LRMDA: variants seen among roughly 807,000 people sequenced by gnomAD.
LRMDA encodes the protein leucine rich melanocyte differentiation associated.
A neutral mutation model predicts 29.8 loss-of-function variants in LRMDA; 18 were observed. The ratio of observed to expected loss-of-function variants is 0.60; its 90% CI spans 0.42 to 0.90. The LOEUF (loss-of-function observed/expected upper bound fraction) is 0.90, where lower values mean the gene tolerates loss of function less well. Ranked by LOEUF, LRMDA falls within the 40% of genes least tolerant of loss-of-function variation. LRMDA has a pLI of 0.00. For missense variants in LRMDA, 273 were observed against 273.9 expected (o/e 1.00, Z 0.02); for synonymous variants, 125 against 109.4 (o/e 1.14, Z -0.89).
At chr10:75,529,210 A>C (rs1198992851) in intron 2 of LRMDA, among the ~76,000 whole-genome samples, 2 of 152,220 alleles carry the variant, frequency 1.3e-5, no homozygotes, top group Non-Finnish European at 2.9e-5. Flanking sequence ...ATTTAAGAAT[A>C]CTAGGAGCTG....
chr10:75,696,137 A>G (rs1589161640), intron 2 of LRMDA, among the ~76,000 whole-genome samples: 2 of 152,224 alleles, frequency 1.3e-5, no homozygotes, highest in Admixed American at 1.3e-4. Context: ...TTAATTTCAG[A>G]CTGCCCATTA....
chr10:76,434,095 C>T (rs910311694), intron 6 of LRMDA, among the ~76,000 whole-genome samples: 14 of 151,998 alleles, frequency 9.2e-5, no homozygotes, highest in Non-Finnish European at 1.8e-4. Flanking sequence ...AAATATAATT[C>T]GTTTTCTCTC....
intron 5 of LRMDA, among the ~76,000 whole-genome samples, chr10:76,243,405 T>C (rs185277929): frequency 3.0e-3 from 453 of 152,306 alleles, no homozygotes; most frequent in Non-Finnish European, 4.6e-3. Flanking sequence ...TGGCCTTTTA[T>C]CTTAAACTTA....
chr10:76,146,385 T>C (rs1485396017), intron 5 of LRMDA, among the ~76,000 whole-genome samples: 1 of 151,760 alleles, frequency 6.6e-6, no homozygotes, highest in Non-Finnish European at 1.5e-5. Flanking sequence ...CTGTATTGGG[T>C]GCATATATAT....
intron 5 of LRMDA, among the ~76,000 whole-genome samples, chr10:76,293,337 C>A (rs561104177): frequency 6.6e-6 from 1 of 152,250 alleles, no homozygotes; most frequent in East Asian, 1.9e-4. Context: ...TCTCTTTAGC[C>A]CCATGTCTGT....
At chr10:76,088,780 T>G (rs1373865052) in intron 5 of LRMDA, among the ~76,000 whole-genome samples, 1 of 152,268 alleles carries the variant, frequency 6.6e-6, no homozygotes, top group African/African-American at 2.4e-5. Flanking sequence ...TAAAATTATT[T>G]CTTCATTCAA....
At position 76,321,528 on chromosome 10, in the gene LRMDA, C is replaced by CT. The variant is rs1277977328; in HGVS notation, c.517-2873_517-2872insT. ...GTCTATTTTTCTATTGATTTAAAGA[C>CT]ATTCTTTTTTTTTTTTTAAATTTGG... On this transcript the variant is annotated intron_variant, in intron 5 of 6. Coordinates refer to ENST00000611255, the MANE Select transcript of LRMDA (RefSeq NM_001305581.2). Among the ~76,000 whole-genome samples the CT allele has an allele frequency of 4.0e-3, 539 of 134,888 alleles. 3 individuals carry two copies. The highest frequency in any genetic ancestry group is 2.5e-3 in the Non-Finnish European group (165 of 66,506). The allele number at this position is 134,888 out of a possible 152,430, so 88.5% of individuals were successfully genotyped here.
intron 5 of LRMDA, among the ~76,000 whole-genome samples, chr10:76,222,788 A>C (rs1851869859): frequency 6.6e-6 from 1 of 152,226 alleles, no homozygotes; most frequent in Non-Finnish European, 1.5e-5. Context: ...AGGACTATAT[A>C]TCATGCTGCT....
intron 6 of LRMDA, among the ~76,000 whole-genome samples, chr10:76,355,794 T>C (rs1841232668): frequency 1.3e-5 from 2 of 152,202 alleles, no homozygotes; most frequent in South Asian, 4.1e-4. Flanking sequence ...GAATTAGCAT[T>C]GAATGTGGGC....
At chr10:76,161,811 G>A (rs1850652943) in intron 5 of LRMDA, among the ~76,000 whole-genome samples, 1 of 152,160 alleles carries the variant, frequency 6.6e-6, no homozygotes, top group Non-Finnish European at 1.5e-5. Context: ...AAGAAGGGCT[G>A]TTGTTTTGCT....
chr10:75,730,227 A>T (rs1842679799), intron 2 of LRMDA, among the ~76,000 whole-genome samples: 1 of 152,180 alleles, frequency 6.6e-6, no homozygotes, highest in African/African-American at 2.4e-5. Context: ...GTCCGAATTT[A>T]GTGACATGTT....
intron 2 of LRMDA, among the ~76,000 whole-genome samples, chr10:75,888,079 C>A (rs1243622774): frequency 3.3e-5 from 5 of 152,166 alleles, no homozygotes; most frequent in African/African-American, 1.2e-4. Flanking sequence ...TAATACGTTT[C>A]TAATGGTCAC....
chr10:75,928,161 TG>T (rs1046688359), intron 2 of LRMDA, among the ~76,000 whole-genome samples: 1 of 151,992 alleles, frequency 6.6e-6, no homozygotes, highest in African/African-American at 2.4e-5. Context: ...ACCTAACTCT[TG>T]GGGTGGGGGG....
At chr10:76,153,377 T>G (rs1850481830) in intron 5 of LRMDA, among the ~76,000 whole-genome samples, 1 of 152,228 alleles carries the variant, frequency 6.6e-6, no homozygotes, top group Admixed American at 6.5e-5. Context: ...GTGTTACATC[T>G]AAGAAACTAT....
intron 2 of LRMDA, among the ~76,000 whole-genome samples, chr10:75,738,046 T>C (rs918718789): frequency 6.6e-6 from 1 of 152,220 alleles, no homozygotes; most frequent in Non-Finnish European, 1.5e-5. Context: ...CAAGAAACGA[T>C]GTTCATAGAA....
chr10:76,400,119 C>T (rs1478530963), intron 6 of LRMDA, among the ~76,000 whole-genome samples: 1 of 152,192 alleles, frequency 6.6e-6, no homozygotes, highest in African/African-American at 2.4e-5. Context: ...TTTTTTCCTG[C>T]TGATCTTGAT....
At chr10:76,216,679 AG>A (rs1419221841) in intron 5 of LRMDA, among the ~76,000 whole-genome samples, 6 of 152,362 alleles carry the variant, frequency 3.9e-5, no homozygotes, top group African/African-American at 1.4e-4. Context: ...GTATATCTAC[AG>A]GAACCCTGCT....
chr10:76,506,740 C>T (rs1290077307), intron 6 of LRMDA, among the ~76,000 whole-genome samples: 1 of 151,216 alleles, frequency 6.6e-6, no homozygotes, highest in African/African-American at 2.4e-5. Flanking sequence ...TCTTTTTGTG[C>T]CTGGCTTATT....
At chr10:75,804,097 A>C (rs1366350450) in intron 2 of LRMDA, among the ~76,000 whole-genome samples, 1 of 152,212 alleles carries the variant, frequency 6.6e-6, no homozygotes, top group Non-Finnish European at 1.5e-5. Flanking sequence ...CAGTAAGGGA[A>C]AATTGAGCTG....
Sources: gnomAD v4.1 joint callset for allele counts (sites outside exome capture counted in the v4.1 genomes callset) on GRCh38, gnomAD v4.1.1 for gene constraint, MANE v1.5 for transcripts, NCBI Gene and HGNC (gene_info 2026-07-23, HGNC 2026-07-21) for gene names.